ZNF23: variants seen among roughly 807,000 people sequenced by gnomAD.
The protein encoded by ZNF23 is zinc finger protein 23.
ZNF23 carries 48 observed loss-of-function variants against 56.2 expected under a neutral mutation model. The ratio of observed to expected loss-of-function variants is 0.85; its 90% CI spans 0.68 to 1.09. The LOEUF (loss-of-function observed/expected upper bound fraction) is 1.09. Ranked by LOEUF, ZNF23 falls within the 50% of genes least tolerant of loss-of-function variation. The probability of loss-of-function intolerance (pLI) is 0.00; values close to 1 mark genes in which losing one functional copy is unlikely to be tolerated. For synonymous variants in ZNF23, 266 were observed against 283.3 expected, an observed-to-expected ratio of 0.94 and a Z score of 0.61; for missense variants, 805 against 811.4, an observed-to-expected ratio of 0.99 and a Z score of 0.10.
intron 1 of ZNF23, among the ~76,000 whole-genome samples, chr16:71,457,310 A>C (rs1019316348): frequency 2.6e-5 from 4 of 152,126 alleles, no homozygotes; most frequent in Non-Finnish European, 5.9e-5. Flanking sequence ...CAAGCCTGTA[A>C]TCCCAGCACT....
rs778122166 is a variant in ZNF23 at position 71,449,731 on chromosome 16, T to C, written c.423A>G (p.Ile141Met). The change falls in exon 5 of 5, where the codon ATA becomes ATG. Residue 141 changes from isoleucine to methionine, a missense_variant. Physicochemically the swap from Ile to Met is conservative, Grantham distance 10. Coordinates refer to ENST00000647773, the MANE Select transcript of ZNF23 (RefSeq NM_001381984.1). ...CAATGGTGTTGCTCTTCTCCTTCTT[T>C]ATATTTCCTGCTGAGTGGACTTCCT... ...KQQEVHSAGN[I>M]KKEKSNTIDG... is the part of the protein sequence containing the mutation. The C allele has an allele frequency of 9.9e-6, 16 of 1,613,970 alleles. No individual in the cohort carries two copies. The South Asian group carries it at 1.6e-4, about 17-fold the overall frequency.
Position 71,448,290 on chromosome 16 carries a change from G to T in ZNF23, c.1864C>A (p.Gln622Lys). ...GGTTTCTCCCCAGTGTGGCTTCTCT[G>T]ATGCCGAATTAAATGGGCATTAACA... Reference protein sequence around the residue: ...FHVNAHLIRHQRSHTGEKPFR... With the variant: ...FHVNAHLIRHKRSHTGEKPFR... Residue 622 changes from glutamine to lysine, a missense_variant, in exon 5 of 5, where the codon CAG becomes AAG. Transcript: ENST00000647773. 6.2e-7 allele frequency: 1 copy of T among 1,614,170 alleles called. No individual in the cohort carries two copies. The highest frequency in any genetic ancestry group is 8.5e-7 in the Non-Finnish European group (1 of 1,180,036).
chr16:71,450,547 C>T (rs991972917), intron 4 of ZNF23: 7 of 306,478 alleles, frequency 2.3e-5, no homozygotes, highest in East Asian at 1.2e-4. Flanking sequence ...AGTGAAACCC[C>T]GTCTCTACTA....
chr16:71,450,857 A>T (rs1371293708), intron 4 of ZNF23: 1 of 194,938 alleles, frequency 5.1e-6, no homozygotes, highest in Non-Finnish European at 1.1e-5. Context: ...TTCCTTACTT[A>T]AAAAAAAATG....
At chr16:71,458,849 A>C (rs767138228) in intron 1 of ZNF23, among the ~76,000 whole-genome samples, 17 of 152,344 alleles carry the variant, frequency 1.1e-4, no homozygotes, top group Middle Eastern at 3.4e-3. Context: ...CACCCAGTCT[A>C]TGGTATTTTG....
In ZNF23 at chr16:71,449,515, A is replaced by G; in HGVS notation, c.639T>C (p.Cys213=). ...IINSEERPFK[C]EELVEPFRCD... is the part of the protein sequence containing the mutation. ...ACCTAAAGGGCTCTACTAATTCTTC[A>G]CATTTGAAAGGTCTTTCCTCAGAAT... The change falls in exon 5 of 5, where the codon TGT becomes TGC. Residue 213 remains cysteine (C), a synonymous_variant. Transcript: ENST00000647773. The G allele has an allele frequency of 6.8e-6, 11 of 1,614,190 alleles. No homozygotes were observed. The highest frequency in any genetic ancestry group is 6.8e-6 in the Non-Finnish European group (8 of 1,180,038).
chr16:71,457,864 A>T (rs1344020565), intron 1 of ZNF23, among the ~76,000 whole-genome samples: 1 of 152,222 alleles, frequency 6.6e-6, no homozygotes, highest in Non-Finnish European at 1.5e-5. Flanking sequence ...CAACACAAGC[A>T]TTATCTTCAG....
In ZNF23 at chr16:71,448,639, T is replaced by C. The variant is rs533000036; in HGVS notation, c.1515A>G (p.Lys505=). 13 of 1,613,940 alleles carry C rather than the reference T, an allele frequency of 8.1e-6. No homozygotes were observed. The Admixed American group carries it at 1.8e-4, about 23-fold the overall frequency. The change falls in exon 5 of 5, where the codon AAA becomes AAG. Residue 505 remains lysine (K), a synonymous_variant. Coordinates refer to ENST00000647773, the MANE Select transcript of ZNF23 (RefSeq NM_001381984.1). ...ECGKAFSVNG[K]LMRHQRIHTG... The stretch of plus-strand genomic sequence containing the variant: ...TGTGAATTCTCTGATGCCGCATTAG[T>C]TTCCCATTAACGCTGAAGGCCTTTC...
chr16:71,455,296 G>A (rs1461201103), intron 2 of ZNF23, among the ~76,000 whole-genome samples: 2 of 152,076 alleles, frequency 1.3e-5, no homozygotes, highest in African/African-American at 4.8e-5. Flanking sequence ...GAAACCTGGG[G>A]ATTGTTCTTG....
At chr16:71,459,771 C>T (rs2043373245) in intron 1 of ZNF23, among the ~76,000 whole-genome samples, 1 of 152,164 alleles carries the variant, frequency 6.6e-6, no homozygotes. Flanking sequence ...TAAGTTCTGG[C>T]TTTATTGCAT....
intron 2 of ZNF23, 198 bp downstream of exon 2, chr16:71,456,566 C>T (rs2043240403): frequency 2.8e-6 from 1 of 352,838 alleles, no homozygotes; most frequent in Non-Finnish European, 4.0e-6. Flanking sequence ...CACCCTCCTG[C>T]TCTCCTGCTC....
At chr16:71,461,115 C>T (rs1277451122) in intron 1 of ZNF23, among the ~76,000 whole-genome samples, 2 of 151,930 alleles carry the variant, frequency 1.3e-5, no homozygotes, top group Non-Finnish European at 2.9e-5. Context: ...TTTAAAATAA[C>T]AGGGCTACAA....
At chr16:71,453,921 C>A in intron 3 of ZNF23, 121 bp downstream of exon 3, 2 of 1,210,568 alleles carry the variant, frequency 1.7e-6, no homozygotes, top group Non-Finnish European at 2.4e-6. Context: ...AGATTAGGAA[C>A]AGCTCTGGGG....
chr16:71,459,953 A>G (rs2043380815), intron 1 of ZNF23, among the ~76,000 whole-genome samples: 2 of 152,274 alleles, frequency 1.3e-5, no homozygotes, highest in South Asian at 4.1e-4. Context: ...TCTACCAATT[A>G]CATATGTAGT....
intron 2 of ZNF23, among the ~76,000 whole-genome samples, chr16:71,454,497 G>A (rs2043157417): frequency 1.3e-5 from 2 of 152,102 alleles, no homozygotes; most frequent in African/African-American, 2.4e-5. Context: ...CAAACTCGGG[G>A]CTGATCCACC....
rs1335455060 is a variant in ZNF23, at chr16:71,448,349, G to T, written c.1805C>A (p.Pro602His). 4 of 1,613,868 alleles carry T rather than the reference G, an allele frequency of 2.5e-6. No homozygotes were observed. Among genetic ancestry groups the T allele is most frequent in the African/African-American group, 1.3e-5 (1 of 74,862 alleles). ...TTTTCCACACTCCTTACACTGAAAG[G>T]GTTTCTCTCCTGTATGGATTCTCTG... ...VHQRIHTGEK[P>H]FQCKECGKAF... The change falls in exon 5 of 5, where the codon CCC becomes CAC. Residue 602 changes from proline (P) to histidine (H), a missense_variant. By Grantham distance (77) the Pro-to-His change is moderately conservative. Transcript: ENST00000647773.
chr16:71,460,760 A>T (rs2043415352), intron 1 of ZNF23, among the ~76,000 whole-genome samples: 1 of 152,246 alleles, frequency 6.6e-6, no homozygotes, highest in African/African-American at 2.4e-5. Flanking sequence ...ATCTCAACAG[A>T]TGCCAAAGAT....
chr16:71,449,358 G>A lies in ZNF23; in HGVS notation c.796C>T (p.Pro266Ser). 6.2e-7 allele frequency: 1 copy of A among 1,614,162 alleles called. No individual in the cohort carries two copies. The highest frequency in any genetic ancestry group is 1.1e-5 in the South Asian group (1 of 91,080). The change falls in exon 5 of 5, where the codon CCC becomes TCC. Residue 266 changes from proline (P) to serine (S), a missense_variant. Coordinates refer to ENST00000647773, the MANE Select transcript of ZNF23 (RefSeq NM_001381984.1). ...TTCCCACACTCCACACATTTGAAGGGTTTCTCCCCACTGTGAAGTCTCTGA... is the reference window on the plus strand; with the variant it reads ...TTCCCACACTCCACACATTTGAAGGATTTCTCCCCACTGTGAAGTCTCTGA... Reference protein sequence around the residue: ...WHQRLHSGEKPFKCVECGKSF... With the variant: ...WHQRLHSGEKSFKCVECGKSF...
At chr16:71,450,842 C>A in intron 4 of ZNF23, 1 of 244,976 alleles carries the variant, frequency 4.1e-6, no homozygotes, top group Non-Finnish European at 8.4e-6. Context: ...TCCTATAGCA[C>A]TCAGTTCCTT....
Sources: gnomAD v4.1 joint callset for allele counts (sites outside exome capture counted in the v4.1 genomes callset) on GRCh38, gnomAD v4.1.1 for gene constraint, MANE v1.5 for transcripts, NCBI Gene and HGNC (gene_info 2026-07-23, HGNC 2026-07-21) for gene names.